FOXJ3: variants seen among roughly 807,000 people sequenced by gnomAD.
The protein encoded by FOXJ3 is forkhead box protein J3.
A neutral mutation model predicts 76.1 loss-of-function variants in FOXJ3; 22 were observed. The ratio of observed to expected loss-of-function variants is 0.29; its 90% CI spans 0.21 to 0.41. FOXJ3 has a LOEUF of 0.41. FOXJ3 is among the 10% of genes least tolerant of loss of function. The probability of loss-of-function intolerance (pLI) is 1.00; values close to 1 mark genes in which losing one functional copy is unlikely to be tolerated. For missense variants in FOXJ3, 613 were observed against 762.1 expected (o/e 0.80, Z 2.30); for synonymous variants, 269 against 261.2 (o/e 1.03, Z -0.29).
chr1:42,331,407 A>G (rs1656158625), intron 1 of FOXJ3, among the ~76,000 whole-genome samples: 1 of 152,124 alleles, frequency 6.6e-6, no homozygotes, highest in Non-Finnish European at 1.5e-5. Flanking sequence ...TAATGAAAGA[A>G]TAAGAAACTC....
intron 2 of FOXJ3, among the ~76,000 whole-genome samples, chr1:42,303,379 G>A (rs1012506825): frequency 1.2e-4 from 18 of 152,214 alleles, no homozygotes; most frequent in African/African-American, 4.1e-4. Context: ...TAAGAAGAGA[G>A]AGATGTGAAC....
At chr1:42,334,155 G>A in intron 1 of FOXJ3, 1 of 978,538 alleles carries the variant, frequency 1.0e-6, no homozygotes, top group Non-Finnish European at 1.2e-6. Flanking sequence ...TCGGTAGCAA[G>A]CGCTTATTCT....
intron 1 of FOXJ3, among the ~76,000 whole-genome samples, chr1:42,313,663 G>A (rs770145740): frequency 6.6e-5 from 10 of 152,154 alleles, no homozygotes; most frequent in Non-Finnish European, 1.3e-4. Context: ...CCCTCGTCCT[G>A]GGAAATGGGG....
intron 3 of FOXJ3, among the ~76,000 whole-genome samples, chr1:42,276,971 A>T (rs1414039291): frequency 6.6e-6 from 1 of 152,162 alleles, no homozygotes; most frequent in Admixed American, 6.5e-5. Context: ...TTCACCTCTC[A>T]ACGCGCTGAG....
At chr1:42,292,625 T>C (rs1359323588) in intron 2 of FOXJ3, among the ~76,000 whole-genome samples, 2 of 152,254 alleles carry the variant, frequency 1.3e-5, no homozygotes, top group East Asian at 3.9e-4. Flanking sequence ...AGCAGATCAG[T>C]AGATACCTTG....
intron 2 of FOXJ3, among the ~76,000 whole-genome samples, chr1:42,305,951 A>G (rs1355480034): frequency 2.0e-5 from 3 of 152,230 alleles, no homozygotes; most frequent in Non-Finnish European, 2.9e-5. Flanking sequence ...GCATGCCTGT[A>G]TCAAAATATC....
chr1:42,320,032 C>T (rs3768262), intron 1 of FOXJ3, among the ~76,000 whole-genome samples: 5,328 of 152,162 alleles, frequency 0.035, 116 homozygotes, highest in South Asian at 0.08. Flanking sequence ...ATCTACAAAT[C>T]GACTACTTCG....
intron 2 of FOXJ3, among the ~76,000 whole-genome samples, chr1:42,292,685 T>G (rs1310774934): frequency 6.6e-6 from 1 of 152,238 alleles, no homozygotes; most frequent in Non-Finnish European, 1.5e-5. Context: ...TTCTGGCAAC[T>G]GCTGGGAATG....
At chr1:42,229,212 C>A (rs1035139049) in intron 4 of FOXJ3, among the ~76,000 whole-genome samples, 2 of 152,148 alleles carry the variant, frequency 1.3e-5, no homozygotes, top group Non-Finnish European at 2.9e-5. Context: ...ATCACTCTCT[C>A]CCTCTGCAAG....
At chr1:42,191,954 C>T (rs1163688731) in intron 8 of FOXJ3, among the ~76,000 whole-genome samples, 1 of 152,148 alleles carries the variant, frequency 6.6e-6, no homozygotes, top group Non-Finnish European at 1.5e-5. Context: ...AATTTAAGTA[C>T]TAAAGCTAAA....
intron 7 of FOXJ3, among the ~76,000 whole-genome samples, chr1:42,198,850 G>A (rs1646703842): frequency 6.6e-6 from 1 of 151,922 alleles, no homozygotes; most frequent in Non-Finnish European, 1.5e-5. Context: ...CTTTTCTCTT[G>A]GACACAGGAC....
chr1:42,185,500 T>G (rs185217965), intron 11 of FOXJ3, among the ~76,000 whole-genome samples: 4 of 151,996 alleles, frequency 2.6e-5, no homozygotes, highest in Non-Finnish European at 4.4e-5. Flanking sequence ...GACCTCATGA[T>G]CCGCCTGCCT....
chr1:42,265,697 A>G (rs1206760621), intron 3 of FOXJ3, among the ~76,000 whole-genome samples: 1 of 152,192 alleles, frequency 6.6e-6, no homozygotes, highest in Non-Finnish European at 1.5e-5. Context: ...ACCACTTATT[A>G]ATTAGTTTAA....
intron 4 of FOXJ3, among the ~76,000 whole-genome samples, chr1:42,235,386 G>A (rs1027911773): frequency 3.3e-5 from 5 of 152,090 alleles, no homozygotes; most frequent in African/African-American, 1.2e-4. Flanking sequence ...TTCGGCTCAC[G>A]CTCGGTGCGC....
At chr1:42,319,585 G>A (rs957084376) in intron 1 of FOXJ3, among the ~76,000 whole-genome samples, 7 of 152,174 alleles carry the variant, frequency 4.6e-5, no homozygotes, top group African/African-American at 1.7e-4. Context: ...AAATTAGACT[G>A]TAGCAATGGT....
intron 4 of FOXJ3, among the ~76,000 whole-genome samples, chr1:42,238,437 C>G (rs964234677): frequency 6.6e-6 from 1 of 152,228 alleles, no homozygotes; most frequent in Non-Finnish European, 1.5e-5. Flanking sequence ...AGCTGACCTG[C>G]GGGCTGGCAG....
chr1:42,296,635 C>T (rs1653807955), intron 2 of FOXJ3, among the ~76,000 whole-genome samples: 1 of 152,322 alleles, frequency 6.6e-6, no homozygotes, highest in African/African-American at 2.4e-5. Context: ...GGCTTTATTT[C>T]TAGGCTCTCT....
At chr1:42,227,994 T>A in intron 4 of FOXJ3, 28 bp from the exon 5 acceptor site, 1 of 1,163,968 alleles carries the variant, frequency 8.6e-7, no homozygotes, top group Non-Finnish European at 1.2e-6. Flanking sequence ...ATATTAACAG[T>A]ATATTACAGC....
intron 2 of FOXJ3, among the ~76,000 whole-genome samples, chr1:42,293,960 A>G (rs180910543): frequency 6.6e-6 from 1 of 152,330 alleles, no homozygotes; most frequent in African/African-American, 2.4e-5. Context: ...TAGGGGGTGG[A>G]ATAATCTTTT....
Sources: allele counts gnomAD v4.1 joint callset (sites outside exome capture counted in the v4.1 genomes callset), GRCh38; gene constraint gnomAD v4.1.1; transcripts MANE v1.5; gene names NCBI Gene and HGNC (gene_info 2026-07-23, HGNC 2026-07-21).